The following FRS2 variants were observed in gnomAD, a reference collection of about 807,000 sequenced individuals.
FRS2 encodes FGFR signalling adaptor.
In FRS2, 8 loss-of-function variants were observed where a neutral mutation model predicts 43.9. The observed-to-expected ratio is 0.18, with a 90% CI of 0.11 to 0.33. The LOEUF (loss-of-function observed/expected upper bound fraction) is 0.33, where lower values mean the gene tolerates loss of function less well. FRS2 is among the 10% of genes least tolerant of loss of function. FRS2 has a pLI of 1.00. For missense variants in FRS2, 534 were observed against 627.6 expected (o/e 0.85, Z 1.59); for synonymous variants, 219 against 220.3 (o/e 0.99, Z 0.05).
At chr12:69,522,242 G>C (rs1875747794) in intron 1 of FRS2, among the ~76,000 whole-genome samples, 1 of 144,740 alleles carries the variant, frequency 6.9e-6, no homozygotes, top group Non-Finnish European at 1.5e-5. Context: ...GTGTGTCTCT[G>C]CCAGGTTTTG....
At chr12:69,485,861 A>G (rs146550814) in intron 1 of FRS2, among the ~76,000 whole-genome samples, 2 of 152,318 alleles carry the variant, frequency 1.3e-5, no homozygotes, top group Admixed American at 6.5e-5. Flanking sequence ...AAATTTTGAG[A>G]TAGCTATGTA....
At chr12:69,514,978 G>A (rs1874846868) in intron 1 of FRS2, among the ~76,000 whole-genome samples, 1 of 152,212 alleles carries the variant, frequency 6.6e-6, no homozygotes, top group Admixed American at 6.5e-5. Context: ...GATAAAATGT[G>A]AAGCCCTCAA....
chr12:69,512,066 C>T (rs1874512474), intron 1 of FRS2, among the ~76,000 whole-genome samples: 1 of 152,122 alleles, frequency 6.6e-6, no homozygotes, highest in Non-Finnish European at 1.5e-5. Context: ...CCTGTGTCTG[C>T]CAATTTTGAA....
rs34690464 is a variant in FRS2, at chr12:69,561,192, A to T, written c.-121-988A>T. Among the ~76,000 whole-genome samples the T allele has an allele frequency of 4.0e-3, 610 of 152,326 alleles. 4 individuals carry two copies. The highest frequency in any genetic ancestry group is 0.014 in the African/African-American group (583 of 41,576). On this transcript the variant is annotated intron_variant, in intron 3 of 8. Coordinates refer to ENST00000549921, the MANE Select transcript of FRS2 (RefSeq NM_001278356.2). The stretch of plus-strand genomic sequence containing the variant: ...AGCTCCTGGAGAAAAGAAAGGGTTA[A>T]TAAAGAAGAGGGACAGGATTGCCAC...
chr12:69,485,105 A>ACGCGCG (rs1555183217), intron 1 of FRS2, among the ~76,000 whole-genome samples: 22 of 146,388 alleles, frequency 1.5e-4, no homozygotes, highest in East Asian at 6.0e-4. Context: ...ACACACACAC[A>ACGCGCG]CACACACACA....
At chr12:69,484,012 G>C (rs1450173149) in intron 1 of FRS2, among the ~76,000 whole-genome samples, 1 of 152,126 alleles carries the variant, frequency 6.6e-6, no homozygotes, top group African/African-American at 2.4e-5. Flanking sequence ...TTTTCATGAA[G>C]AGTAAAATTG....
intron 3 of FRS2, among the ~76,000 whole-genome samples, chr12:69,561,649 G>C (rs1484136275): frequency 6.6e-6 from 1 of 152,082 alleles, no homozygotes. Flanking sequence ...TCATACTGTT[G>C]ATTTTCTGAT....
At chr12:69,480,536 G>C (rs1411183816) in intron 1 of FRS2, among the ~76,000 whole-genome samples, 1 of 152,130 alleles carries the variant, frequency 6.6e-6, no homozygotes, top group Non-Finnish European at 1.5e-5. Context: ...GGCGATCATA[G>C]CACACTACAA....
chr12:69,532,870 T>C (rs1876940831), intron 3 of FRS2, among the ~76,000 whole-genome samples: 1 of 152,226 alleles, frequency 6.6e-6, no homozygotes, highest in Admixed American at 6.5e-5. Flanking sequence ...AATCCCGCCA[T>C]CCTTTTTAAA....
chr12:69,527,923 C>T (rs957384319), intron 1 of FRS2, among the ~76,000 whole-genome samples: 2 of 152,140 alleles, frequency 1.3e-5, no homozygotes, highest in African/African-American at 4.8e-5. Flanking sequence ...TTTCTTTGTA[C>T]TCTTGGTTTA....
chr12:69,571,240 T>C (rs1341337579), intron 6 of FRS2, 36 bp from the exon 7 acceptor site: 1 of 1,449,622 alleles, frequency 6.9e-7, no homozygotes, highest in East Asian at 2.3e-5. Context: ...TTTAAAGGTA[T>C]GTTAACTATT....
intron 4 of FRS2, among the ~76,000 whole-genome samples, chr12:69,566,398 A>G (rs1047784170): frequency 3.9e-5 from 6 of 152,158 alleles, no homozygotes; most frequent in African/African-American, 1.2e-4. Flanking sequence ...TGTCTCTATC[A>G]ATTATCCCTT....
Position 69,575,165 on chromosome 12 carries a change from C to T in FRS2, c.*210C>T, listed in dbSNP as rs532635135. 22 of 478,580 alleles carry T rather than the reference C, an allele frequency of 4.6e-5. No homozygotes were observed. The East Asian group carries it at 6.5e-4, about 14-fold the overall frequency. The allele number at this position is 478,580 out of a possible 1,614,324, so 29.6% of individuals were successfully genotyped here. On this transcript the variant is annotated 3_prime_UTR_variant, in exon 9 of 9. Coordinates refer to ENST00000549921, the MANE Select transcript of FRS2 (RefSeq NM_001278356.2). ...ATTTCATTATATACTACTCGTTGTA[C>T]AGCAGCATTCCCGTTTTCACAGTGC...
chr12:69,529,932 C>T (rs1011100900), intron 1 of FRS2, among the ~76,000 whole-genome samples: 2 of 151,976 alleles, frequency 1.3e-5, no homozygotes, highest in East Asian at 1.9e-4. Context: ...TGGTAGAGCA[C>T]GCCTGTAGTC....
intron 3 of FRS2, among the ~76,000 whole-genome samples, chr12:69,558,119 AGT>A (rs1188375931): frequency 1.3e-5 from 2 of 152,132 alleles, no homozygotes; most frequent in Non-Finnish European, 2.9e-5. Flanking sequence ...ATGGGGTTAA[AGT>A]GTGTGAGTTT....
Position 69,569,077 on chromosome 12 carries a change from A to G in FRS2, c.47A>G (p.Asn16Ser). The G allele has an allele frequency of 6.2e-7, 1 of 1,611,082 alleles. No individual in the cohort carries two copies. The highest frequency in any genetic ancestry group is 8.5e-7 in the Non-Finnish European group (1 of 1,177,710). Residue 16 changes from asparagine (N) to serine (S), a missense_variant, in exon 5 of 9, where the codon AAC (asparagine) becomes AGC (serine). Asn to Ser is a conservative substitution (Grantham distance 46). Transcript: ENST00000549921. ...CCAGATAAAGACACTGTCCCAGATA[A>G]CCATCGGAACAAGTTTAAGGTCAGT... ...SCPDKDTVPDNHRNKFKVINV... is the reference protein window; with the variant it reads ...SCPDKDTVPDSHRNKFKVINV...
chr12:69,545,928 A>G (rs1036011270), intron 3 of FRS2, among the ~76,000 whole-genome samples: 3 of 152,146 alleles, frequency 2.0e-5, no homozygotes, highest in East Asian at 1.9e-4. Context: ...ATGGAGTTGG[A>G]TCTTCACCTA....
chr12:69,550,467 G>T (rs1331054497), intron 3 of FRS2, among the ~76,000 whole-genome samples: 1 of 152,174 alleles, frequency 6.6e-6, no homozygotes, highest in Non-Finnish European at 1.5e-5. Context: ...TAAGAACTCA[G>T]ATCTCTCTAG....
chr12:69,474,954 T>C (rs1313890097), intron 1 of FRS2, among the ~76,000 whole-genome samples: 1 of 152,250 alleles, frequency 6.6e-6, no homozygotes, highest in Non-Finnish European at 1.5e-5. Flanking sequence ...TAAGTTCTTT[T>C]GATTAACATG....
Sources: gnomAD v4.1 joint callset for allele counts (sites outside exome capture counted in the v4.1 genomes callset) on GRCh38, gnomAD v4.1.1 for gene constraint, MANE v1.5 for transcripts, NCBI Gene and HGNC (gene_info 2026-07-23, HGNC 2026-07-21) for gene names.